Variants in PTGR1 observed in about 807,000 individuals in gnomAD.
The protein encoded by PTGR1 is 15-oxoprostaglandin 13-reductase.
Under a neutral mutation model 37.7 loss-of-function variants are expected in PTGR1, and 23 were observed. The ratio of observed to expected loss-of-function variants is 0.61; its 90% CI spans 0.44 to 0.86. The LOEUF is 0.86. Among genes scored for constraint, PTGR1 ranks in the 40% least tolerant of loss-of-function variants. PTGR1 has a pLI of 0.00. For missense variants in PTGR1, 351 were observed against 394.3 expected (o/e 0.89, Z 0.93); for synonymous variants, 134 against 140.0 (o/e 0.96, Z 0.30).
intron 4 of PTGR1, among the ~76,000 whole-genome samples, chr9:111,592,142 C>T (rs1029783156): frequency 1.3e-5 from 2 of 152,212 alleles, no homozygotes; most frequent in African/African-American, 4.8e-5. Flanking sequence ...GCCCTCTTTA[C>T]GGTTAAGGCA....
At chr9:111,559,684 G>T (rs1828220360), downstream of PTGR1, among the ~76,000 whole-genome samples, 1 of 151,938 alleles carries the variant, frequency 6.6e-6, no homozygotes, top group Non-Finnish European at 1.5e-5. Context: ...GACTCCCTGT[G>T]CCAGGCAGCC....
intron 6 of PTGR1, among the ~76,000 whole-genome samples, chr9:111,582,142 TATAA>T (rs1231874464): frequency 2.0e-5 from 3 of 152,048 alleles, no homozygotes. Flanking sequence ...AGTAAGATAA[TATAA>T]ATATGACCAA....
intron 9 of PTGR1, among the ~76,000 whole-genome samples, chr9:111,568,030 T>C (rs1474272685): frequency 1.3e-5 from 2 of 152,214 alleles, no homozygotes; most frequent in African/African-American, 4.8e-5. Context: ...ACTGTACAAA[T>C]TGATTGTAAA....
At chr9:111,578,203 G>GTCC (rs1187814321) in intron 7 of PTGR1, among the ~76,000 whole-genome samples, 1 of 152,092 alleles carries the variant, frequency 6.6e-6, no homozygotes, top group Non-Finnish European at 1.5e-5. Flanking sequence ...TGTATCAGCG[G>GTCC]TCCTCAACCT....
intron 9 of PTGR1, among the ~76,000 whole-genome samples, chr9:111,569,581 T>A (rs1457681647): frequency 6.6e-6 from 1 of 152,076 alleles, no homozygotes; most frequent in Non-Finnish European, 1.5e-5. Context: ...CTGGCCAACA[T>A]GACGAAAACC....
At chr9:111,583,433 G>C (rs774677462) in intron 6 of PTGR1, 39 bp downstream of exon 6, 1 of 1,509,740 alleles carries the variant, frequency 6.6e-7, no homozygotes, top group South Asian at 1.1e-5. Flanking sequence ...TTCCCAATGG[G>C]TTTTGAATAA....
chr9:111,565,257 C>G (rs1337990802), intron 9 of PTGR1, among the ~76,000 whole-genome samples: 3 of 152,056 alleles, frequency 2.0e-5, no homozygotes, highest in African/African-American at 4.8e-5. Context: ...GAAAAGGAAG[C>G]CATCTACAAG....
chr9:111,583,213 A>T (rs975819725), intron 6 of PTGR1, among the ~76,000 whole-genome samples: 26 of 152,284 alleles, frequency 1.7e-4, no homozygotes, highest in African/African-American at 6.0e-4. Context: ...AGTAAAAAAT[A>T]TGAAAATGAT....
chr9:111,563,009 A>AT lies in PTGR1; in HGVS notation c.*111dup. The AT allele has an allele frequency of 1.4e-6, 2 of 1,463,406 alleles. No homozygotes were observed. Among genetic ancestry groups the AT allele is most frequent in the South Asian group, 2.9e-5 (2 of 68,424 alleles). 90.7% of individuals were successfully genotyped at this position (1,463,406 alleles called of 1,614,324 possible). On this transcript the variant is annotated 3_prime_UTR_variant, in exon 10 of 10. Transcript: ENST00000407693. ...GTATTTTATTAAGTAGCTCAAACTC[A>AT]TTATGAGTACTATTTCTTAAGACAT...
At chr9:111,560,636 C>CAA (rs1015199330), downstream of PTGR1, among the ~76,000 whole-genome samples, 1,987 of 25,962 alleles carry the variant, frequency 0.077, 183 homozygotes, top group East Asian at 0.27. Flanking sequence ...GACACCATCT[C>CAA]AAAAAAAAAA....
chr9:111,558,314 C>T (rs1045076951), downstream of PTGR1, among the ~76,000 whole-genome samples: 1 of 152,040 alleles, frequency 6.6e-6, no homozygotes, highest in Non-Finnish European at 1.5e-5. Flanking sequence ...CTAGTGGGAG[C>T]CCTTTCAAAT....
chr9:111,557,086 G>A (rs186122580), intron 9 of PTGR1, among the ~76,000 whole-genome samples: 4 of 152,314 alleles, frequency 2.6e-5, no homozygotes, highest in Admixed American at 2.6e-4. Context: ...TTTCCCCATT[G>A]TCTTGGCTAT....
At chr9:111,584,421 C>T (rs1211494884) in intron 5 of PTGR1, among the ~76,000 whole-genome samples, 1 of 152,160 alleles carries the variant, frequency 6.6e-6, no homozygotes, top group Non-Finnish European at 1.5e-5. Flanking sequence ...TGTTTAGTGC[C>T]CACTAATTGA....
chr9:111,596,139 C>A (rs1829772978), intron 2 of PTGR1, among the ~76,000 whole-genome samples: 1 of 152,168 alleles, frequency 6.6e-6, no homozygotes. Context: ...CACTGAGAAC[C>A]CTGGAAAGGT....
intron 9 of PTGR1, among the ~76,000 whole-genome samples, chr9:111,555,874 A>T (rs1247950218): frequency 6.6e-6 from 1 of 152,130 alleles, no homozygotes; most frequent in Non-Finnish European, 1.5e-5. Context: ...TCCCTCGCAA[A>T]TCTCATGTCC....
intron 9 of PTGR1, among the ~76,000 whole-genome samples, chr9:111,566,313 G>T (rs1828560384): frequency 6.6e-6 from 1 of 152,218 alleles, no homozygotes; most frequent in Admixed American, 6.5e-5. Flanking sequence ...GTTGTCAACT[G>T]TGATCACAGA....
At chr9:111,561,154 A>G (rs1441931793), downstream of PTGR1, among the ~76,000 whole-genome samples, 45 of 97,252 alleles carry the variant, frequency 4.6e-4, no homozygotes, top group Non-Finnish European at 6.8e-4. Context: ...AGAGGGAGAG[A>G]GAGAGAGAGA....
chr9:111,583,617 A>G, intron 5 of PTGR1, 28 bp from the exon 6 acceptor site: 1 of 1,519,686 alleles, frequency 6.6e-7, no homozygotes, highest in Non-Finnish European at 9.1e-7. Flanking sequence ...AGGATATATG[A>G]ATAGAGTTGT....
chr9:111,549,851 C>G, intron 9 of PTGR1: 1 of 1,177,898 alleles, frequency 8.5e-7, no homozygotes, highest in African/African-American at 1.5e-5. Context: ...AAGGCAGTTG[C>G]TTTAAAGTCT....
Sources: allele counts gnomAD v4.1 joint callset (sites outside exome capture counted in the v4.1 genomes callset), GRCh38; gene constraint gnomAD v4.1.1; transcripts MANE v1.5; gene names NCBI Gene and HGNC (gene_info 2026-07-23, HGNC 2026-07-21).